Variants in ROBO2 observed in about 807,000 individuals in gnomAD.
The protein encoded by ROBO2 is roundabout guidance receptor 2, also known as roundabout homolog 2.
ROBO2 carries 53 observed loss-of-function variants against 160.8 expected under a neutral mutation model. The observed-to-expected ratio is 0.33, with a 90% CI of 0.26 to 0.41. ROBO2 has a LOEUF of 0.41. Ranked by LOEUF, ROBO2 falls within the 10% of genes least tolerant of loss-of-function variation. The pLI is 1.00. For missense variants in ROBO2, 1,577 were observed against 1,722.4 expected, an observed-to-expected ratio of 0.92 and a Z score of 1.49; for synonymous variants, 664 against 611.7, an observed-to-expected ratio of 1.09 and a Z score of -1.26.
intron 2 of ROBO2, among the ~76,000 whole-genome samples, chr3:77,108,327 T>C: frequency 6.6e-6 from 1 of 150,948 alleles, no homozygotes; most frequent in Admixed American, 6.6e-5. Flanking sequence ...CACATATGCA[T>C]ATATATATAT....
rs76258032 is a variant in ROBO2, at chr3:76,692,189, G to T, written c.110-405825G>T. Among the ~76,000 whole-genome samples the T allele has an allele frequency of 1.5e-4, 23 of 152,256 alleles. No individual in the cohort carries two copies. In the East Asian group the frequency reaches 4.3e-3, roughly 28 times the overall value. ...GACCACTCCCACTGAATGATCAGGG[G>T]AGAGGGGGCAGCAGGTGCTTGAGGT... is the stretch of plus-strand genomic sequence containing the variant. On this transcript the variant is annotated intron_variant, in intron 2 of 26. Transcript: ENST00000487694.
At chr3:77,620,136 A>C (rs1217598764) in intron 22 of ROBO2, among the ~76,000 whole-genome samples, 1 of 152,144 alleles carries the variant, frequency 6.6e-6, no homozygotes, top group Non-Finnish European at 1.5e-5. Flanking sequence ...CTCAACCAGC[A>C]ATCTTTCAGA....
intron 2 of ROBO2, among the ~76,000 whole-genome samples, chr3:76,270,451 G>A (rs896538674): frequency 6.6e-6 from 1 of 151,970 alleles, no homozygotes; most frequent in Non-Finnish European, 1.5e-5. Context: ...GAGAGATTAT[G>A]AACTCATAAT....
chr3:75,921,251 G>A (rs1947033977), intron 1 of ROBO2, among the ~76,000 whole-genome samples: 1 of 150,672 alleles, frequency 6.6e-6, no homozygotes, highest in Admixed American at 6.7e-5. Flanking sequence ...CTCAGCATCT[G>A]CTTGTCTGTA....
At chr3:76,036,163 T>A (rs1453303235) in intron 2 of ROBO2, among the ~76,000 whole-genome samples, 2 of 152,032 alleles carry the variant, frequency 1.3e-5, no homozygotes, top group Non-Finnish European at 2.9e-5. Flanking sequence ...GCTCACTTTT[T>A]TTTTGAGACC....
chr3:75,987,258 TC>T (rs2065439125), intron 2 of ROBO2, among the ~76,000 whole-genome samples: 1 of 151,992 alleles, frequency 6.6e-6, no homozygotes, highest in Non-Finnish European at 1.5e-5. Context: ...GTCTTTCATA[TC>T]CCTGGCTAAG....
chr3:76,169,619 C>T (rs916403402), intron 2 of ROBO2, among the ~76,000 whole-genome samples: 1 of 152,178 alleles, frequency 6.6e-6, no homozygotes. Context: ...CTGAATCTGA[C>T]TTTATTGCAT....
intron 2 of ROBO2, among the ~76,000 whole-genome samples, chr3:76,645,720 A>G (rs1053960316): frequency 6.6e-6 from 1 of 152,178 alleles, no homozygotes; most frequent in African/African-American, 2.4e-5. Flanking sequence ...TTTTGGAGTA[A>G]ATGAATGGGT....
At chr3:77,098,300 T>C in exon 2 of ROBO2, 1 of 1,614,226 alleles carries the variant, frequency 6.2e-7, no homozygotes. Context: ...GGAACTATCT[T>C]GGTGAAGCAG....
chr3:76,532,978 T>C (rs1560104412), intron 2 of ROBO2, among the ~76,000 whole-genome samples: 1 of 152,196 alleles, frequency 6.6e-6, no homozygotes, highest in Non-Finnish European at 1.5e-5. Flanking sequence ...AAATAATCCA[T>C]CCTATTTATC....
chr3:76,566,587 C>G (rs1344252534), intron 2 of ROBO2, among the ~76,000 whole-genome samples: 1 of 152,092 alleles, frequency 6.6e-6, no homozygotes, highest in Non-Finnish European at 1.5e-5. Context: ...AAGAGTAATT[C>G]TATTATAAAA....
chr3:77,039,708 A>G (rs2063881168), upstream of ROBO2, among the ~76,000 whole-genome samples: 1 of 151,378 alleles, frequency 6.6e-6, no homozygotes, highest in Non-Finnish European at 1.5e-5. Flanking sequence ...CCGAGTCCGG[A>G]GGTTCAGGGC....
chr3:76,231,894 GA>G (rs1362608984), intron 2 of ROBO2, among the ~76,000 whole-genome samples: 3 of 152,232 alleles, frequency 2.0e-5, no homozygotes, highest in African/African-American at 7.2e-5. Context: ...AAACAAAACT[GA>G]AATTTATTGA....
At chr3:77,418,723 A>G (rs2153529918) in intron 2 of ROBO2, among the ~76,000 whole-genome samples, 1 of 152,242 alleles carries the variant, frequency 6.6e-6, no homozygotes, top group South Asian at 2.1e-4. Context: ...TGATGGAGAG[A>G]GACATTTAAA....
intron 2 of ROBO2, among the ~76,000 whole-genome samples, chr3:77,387,654 A>G (rs1241075921): frequency 1.3e-5 from 2 of 151,998 alleles, no homozygotes; most frequent in Admixed American, 6.6e-5. Flanking sequence ...AAAAAAAAAA[A>G]GCTGAAAGCT....
intron 2 of ROBO2, among the ~76,000 whole-genome samples, chr3:76,838,776 C>T (rs947296756): frequency 3.4e-5 from 5 of 148,650 alleles, no homozygotes; most frequent in Non-Finnish European, 7.5e-5. Flanking sequence ...CCTACTCTAC[C>T]CTTGGTGAAT....
chr3:76,661,689 G>C (rs1476599351), intron 2 of ROBO2, among the ~76,000 whole-genome samples: 1 of 152,156 alleles, frequency 6.6e-6, no homozygotes, highest in East Asian at 1.9e-4. Context: ...TTAGGGTTAA[G>C]ATAAGGGGGA....
At chr3:77,632,299 T>C in intron 23 of ROBO2, 1 of 520,910 alleles carries the variant, frequency 1.9e-6, no homozygotes, top group Non-Finnish European at 3.4e-6. Flanking sequence ...ATGAGCTTCA[T>C]TCTTCTGCAC....
chr3:76,002,412 A>T (rs1287749776), intron 2 of ROBO2, among the ~76,000 whole-genome samples: 1 of 151,924 alleles, frequency 6.6e-6, no homozygotes, highest in East Asian at 1.9e-4. Context: ...TAATTGAATC[A>T]TGGTTGTAGC....
Sources: gnomAD v4.1 joint callset for allele counts (sites outside exome capture counted in the v4.1 genomes callset) on GRCh38, gnomAD v4.1.1 for gene constraint, MANE v1.5 for transcripts, NCBI Gene and HGNC (gene_info 2026-07-23, HGNC 2026-07-21) for gene names.